Variants in RXRB observed in about 807,000 individuals in gnomAD.
RXRB encodes retinoic acid receptor RXR-beta.
Under a neutral mutation model 52.5 loss-of-function variants are expected in RXRB, and 18 were observed. The ratio of observed to expected loss-of-function variants is 0.34; its 90% CI spans 0.24 to 0.51. RXRB has a LOEUF of 0.51. Among genes scored for constraint, RXRB ranks in the 20% least tolerant of loss-of-function variants. RXRB has a pLI of 0.97. For synonymous variants in RXRB, 233 were observed against 267.1 expected, an observed-to-expected ratio of 0.87 and a Z score of 1.25; for missense variants, 455 against 698.2, an observed-to-expected ratio of 0.65 and a Z score of 3.92.
Position 33,196,166 on chromosome 6 carries a change from G to A in RXRB, c.994-130C>T, listed in dbSNP as rs1773880140. On this transcript the variant is annotated intron_variant, in intron 5 of 9. Coordinates refer to ENST00000374680, the MANE Select transcript of RXRB (RefSeq NM_021976.5). This position sits in a 1 kb window ranked among gnomAD's most constrained non-coding sequence, Gnocchi z 4.0. ...GCCCCATCCAAACCAATCCCTGTAA[G>A]TGAGTCTTCTCTTCTGGCATTAGTG... 2.5e-6 allele frequency: 3 copies of A among 1,176,508 alleles called. No individual in the cohort carries two copies. Among genetic ancestry groups the A allele is most frequent in the East Asian group, 2.4e-5 (1 of 42,056 alleles). The allele number at this position is 1,176,508 out of a possible 1,614,324, so 72.9% of individuals were successfully genotyped here.
In RXRB at chr6:33,193,606, T is replaced by C. The variant is rs1470734864; in HGVS notation, c.*1076A>G. 4 of 151,900 alleles carry C rather than the reference T, an allele frequency of 2.6e-5. 1 individual carries two copies. 9.4% of individuals were successfully genotyped at this position (151,900 alleles called of 1,614,324 possible). A position where few individuals can be genotyped will look rare whatever the true frequency, so the allele number is the denominator to read the frequency against. ...ACCTCAGTCCAGAAAACAGCGATTTTAATTTGAAAGCGATTTTATGTATGA... is the reference window on the plus strand; with the variant it reads ...ACCTCAGTCCAGAAAACAGCGATTTCAATTTGAAAGCGATTTTATGTATGA... On this transcript the variant is annotated 3_prime_UTR_variant, in exon 10 of 10. Coordinates refer to ENST00000374680, the MANE Select transcript of RXRB (RefSeq NM_021976.5).
chr6:33,199,329 G>A lies in RXRB; in HGVS notation c.323C>T (p.Ser108Leu), dbSNP rs1774220157. The change falls in exon 2 of 10, where the codon TCA becomes TTA. Residue 108 changes from serine to leucine, a missense_variant. Physicochemically the swap from Ser to Leu is moderately radical, Grantham distance 145. Coordinates refer to ENST00000374680, the MANE Select transcript of RXRB (RefSeq NM_021976.5). ...PSPPGPPLPP[S>L]TAPSLGGSGA... ...AGAGCCTCCAAGGGATGGAGCTGTTGAAGGGGGTAGGGGTGGCCCAGGAGG... is the reference window on the plus strand; with the variant it reads ...AGAGCCTCCAAGGGATGGAGCTGTTAAAGGGGGTAGGGGTGGCCCAGGAGG... 1 of 1,182,574 alleles carries A rather than the reference G, an allele frequency of 8.5e-7. No individual in the cohort carries two copies. The highest frequency in any genetic ancestry group is 3.3e-5 in the East Asian group (1 of 30,674). 73.3% of individuals were successfully genotyped at this position (1,182,574 alleles called of 1,614,324 possible).
chr6:33,198,378 G>A lies in RXRB; in HGVS notation c.570C>T (p.His190=). ...CAGGGCCACCTGGAGGGGGTGGACAGTGCAGGCCCCGGACCCCTAAGACTG... is the reference window on the plus strand; with the variant it reads ...CAGGGCCACCTGGAGGGGGTGGACAATGCAGGCCCCGGACCCCTAAGACTG... ...KPPVLGVRGL[H]CPPPPGGPGA... The change falls in exon 3 of 10, where the codon CAC becomes CAT. Residue 190 remains histidine (H), a synonymous_variant. Coordinates refer to ENST00000374680, the MANE Select transcript of RXRB (RefSeq NM_021976.5). 1.9e-6 allele frequency: 3 copies of A among 1,612,952 alleles called. No homozygotes were observed. The highest frequency in any genetic ancestry group is 1.7e-5 in the Admixed American group (1 of 60,010).
rs762793148 is a variant in RXRB at position 33,200,197 on chromosome 6, A to G, written c.235+45T>C. 50 of 1,596,734 alleles carry G rather than the reference A, an allele frequency of 3.1e-5. No individual in the cohort carries two copies. In the South Asian group the frequency reaches 4.7e-4, roughly 15 times the overall value. ...GGAGGGTGTGGGGGAGGGGTCGCAG[A>G]TAAAGCGGTCACTGGCTCGCCTGCC... On this transcript the variant is annotated intron_variant, in intron 1 of 9. Coordinates refer to ENST00000374680, the MANE Select transcript of RXRB (RefSeq NM_021976.5). This position sits in a 1 kb window ranked among gnomAD's most constrained non-coding sequence, Gnocchi z 6.3.
In RXRB at chr6:33,199,256, G is replaced by A. The variant is rs1245499988; in HGVS notation, c.396C>T (p.Pro132=). Residue 132 remains proline, a synonymous_variant, in exon 2 of 10, where the codon CCC becomes CCT. Coordinates refer to ENST00000374680, the MANE Select transcript of RXRB (RefSeq NM_021976.5). ...PPMPPPPLGS[P]FPVISSSMGS... is the part of the protein sequence containing the mutation. Reference sequence around the variant, plus strand: ...CCATGGAAGAACTGATGACTGGAAAGGGAGAGCCCAGTGGGGGTGGTGGCA... The same window carrying A: ...CCATGGAAGAACTGATGACTGGAAAAGGAGAGCCCAGTGGGGGTGGTGGCA... 3 of 1,142,324 alleles carry A rather than the reference G, an allele frequency of 2.6e-6. No homozygotes were observed. Among genetic ancestry groups the A allele is most frequent in the Non-Finnish European group, 2.2e-6 (2 of 889,176 alleles). The allele number at this position is 1,142,324 out of a possible 1,614,324, so 70.8% of individuals were successfully genotyped here. A position where few individuals can be genotyped will look rare whatever the true frequency, so the allele number is the denominator to read the frequency against.
chr6:33,193,913 A>T lies in RXRB; in HGVS notation c.*769T>A, dbSNP rs55678527. The T allele has an allele frequency of 0.029, 4,472 of 152,408 alleles. 122 individuals carry two copies. The highest frequency in any genetic ancestry group is 0.081 in the Middle Eastern group (24 of 296). The allele number at this position is 152,408 out of a possible 1,614,324, so 9.4% of individuals were successfully genotyped here. ...GGGGCGGCGGGAAGCTGGGAAGGCT[A>T]GTGCTTGGAGAGCCCTAGGGACAGG... On this transcript the variant is annotated 3_prime_UTR_variant, in exon 10 of 10. Transcript: ENST00000374680.
In RXRB at chr6:33,196,034, T is replaced by C; in HGVS notation, c.996A>G (p.Pro332=). The C allele has an allele frequency of 5.6e-6, 9 of 1,613,074 alleles. No homozygotes were observed. Among genetic ancestry groups the C allele is most frequent in the Non-Finnish European group, 6.8e-6 (8 of 1,180,026 alleles). ...PGGTGGSGSS[P]NDPVTNICQA... ...GACAGATGTTAGTCACAGGGTCATT[T>C]GGCTGCAGGGGACGGGGGTAAGAGT... is the stretch of plus-strand genomic sequence containing the variant. Residue 332 remains proline, a splice_region_variant and synonymous_variant, in exon 6 of 10, where the codon CCA becomes CCG. Coordinates refer to ENST00000374680, the MANE Select transcript of RXRB (RefSeq NM_021976.5). The surrounding 1 kb of genome is among the most constrained non-coding windows in gnomAD (Gnocchi z 4.0).
intron 1 of RXRB, chr6:33,199,904 G>C: frequency 1.5e-6 from 1 of 679,216 alleles, no homozygotes; most frequent in Non-Finnish European, 2.8e-6. Context: ...GGTAGCCAGA[G>C]CGTGCAAGGG....
Position 33,195,783 on chromosome 6 carries a change from A to G in RXRB, c.1124-81T>C. Reference sequence around the variant, plus strand: ...CATCAGTGGAAGAGAAGGAGAAAAGAGGTGGCGAGGTCAGCAAGTTTGGCT... The same window carrying G: ...CATCAGTGGAAGAGAAGGAGAAAAGGGGTGGCGAGGTCAGCAAGTTTGGCT... On this transcript the variant is annotated intron_variant, in intron 6 of 9. Transcript: ENST00000374680. This position sits in a 1 kb window ranked among gnomAD's most constrained non-coding sequence, Gnocchi z 8.6. The G allele has an allele frequency of 6.3e-7, 1 of 1,597,612 alleles. No individual in the cohort carries two copies.
Position 33,199,434 on chromosome 6 carries a change from A to T in RXRB, c.236-18T>A. On this transcript the variant is annotated intron_variant, in intron 1 of 9. Transcript: ENST00000374680. ...TCGGGAGTCTGAGGGAGGGGTATGT[A>T]CAGGCACACAGACACACAAGAGACA... 7.9e-7 allele frequency: 1 copy of T among 1,260,804 alleles called. No individual in the cohort carries two copies. The highest frequency in any genetic ancestry group is 1.0e-6 in the Non-Finnish European group (1 of 994,252). 78.1% of individuals were successfully genotyped at this position (1,260,804 alleles called of 1,614,324 possible). A position where few individuals can be genotyped will look rare whatever the true frequency, so the allele number is the denominator to read the frequency against.
rs762865921 is a variant in RXRB, at chr6:33,195,881, A to G, written c.1123+26T>C. ...GTCAAAGAGGGGTCAAATGTCAAGA[A>G]GTCAAAGGGATCCAAGGTCACTGAC... On this transcript the variant is annotated intron_variant, in intron 6 of 9. Coordinates refer to ENST00000374680, the MANE Select transcript of RXRB (RefSeq NM_021976.5). The surrounding 1 kb of genome is among the most constrained non-coding windows in gnomAD (Gnocchi z 8.6). 6.2e-7 allele frequency: 1 copy of G among 1,611,760 alleles called. No homozygotes were observed. Among genetic ancestry groups the G allele is most frequent in the Non-Finnish European group, 8.5e-7 (1 of 1,179,900 alleles).
In RXRB at chr6:33,196,046, A is replaced by AC; in HGVS notation, c.994-11dup. ...TCACAGGGTCATTTGGCTGCAGGGG[A>AC]CGGGGGTAAGAGTTATGGAAGATTT... On this transcript the variant is annotated splice_polypyrimidine_tract_variant and intron_variant, in intron 5 of 9. Coordinates refer to ENST00000374680, the MANE Select transcript of RXRB (RefSeq NM_021976.5). The surrounding 1 kb of genome is among the most constrained non-coding windows in gnomAD (Gnocchi z 4.0). 6.2e-7 allele frequency: 1 copy of AC among 1,612,780 alleles called. No homozygotes were observed. Among genetic ancestry groups the AC allele is most frequent in the Non-Finnish European group, 8.5e-7 (1 of 1,179,932 alleles).
chr6:33,199,786 C>A, intron 1 of RXRB: 1 of 446,356 alleles, frequency 2.2e-6, no homozygotes, highest in South Asian at 1.8e-5. Context: ...AATTTTCCAA[C>A]CAATCCATTT....
chr6:33,194,617 G>T lies in RXRB; in HGVS notation c.*65C>A. ...GAACATGGCCCCCCACCCTGCCCCA[G>T]GGCTTGGAGTCCCTCTTGGATGTGT... On this transcript the variant is annotated 3_prime_UTR_variant, in exon 10 of 10. Transcript: ENST00000374680. This position sits in a 1 kb window ranked among gnomAD's most constrained non-coding sequence, Gnocchi z 4.1. The T allele has an allele frequency of 6.4e-7, 1 of 1,561,224 alleles. No individual in the cohort carries two copies.
In RXRB at chr6:33,197,977, A is replaced by G; in HGVS notation, c.641-36T>C. 6.3e-7 allele frequency: 1 copy of G among 1,595,544 alleles called. No homozygotes were observed. The highest frequency in any genetic ancestry group is 1.3e-5 in the African/African-American group (1 of 74,632). On this transcript the variant is annotated intron_variant, in intron 3 of 9. Coordinates refer to ENST00000374680, the MANE Select transcript of RXRB (RefSeq NM_021976.5). The surrounding 1 kb of genome is among the most constrained non-coding windows in gnomAD (Gnocchi z 4.4). ...AGGGGAGGAGCAATAAGAAGGTTGC[A>G]TGGAGACACCTTCACCATTTAGTCT...
rs1773909700 is a variant in RXRB, at chr6:33,196,520, T to C, written c.907A>G (p.Arg303Gly). 1 of 1,612,884 alleles carries C rather than the reference T, an allele frequency of 6.2e-7. No individual in the cohort carries two copies. Among genetic ancestry groups the C allele is most frequent in the Non-Finnish European group, 8.5e-7 (1 of 1,179,886 alleles). ...ACAGCAAGCTCTGCCTCCAGGATCC[T>C]GTCCACAGGCATCTCCTCGGGGGCT... is the stretch of plus-strand genomic sequence containing the variant. ...GGAPEEMPVD[R>G]ILEAELAVEQ... Residue 303 changes from arginine (R) to glycine (G), a missense_variant, in exon 5 of 10, where the codon AGG (arginine) becomes GGG (glycine). By Grantham distance (125) the Arg-to-Gly change is moderately radical (BLOSUM62 -2). Transcript: ENST00000374680. The surrounding 1 kb of genome is among the most constrained non-coding windows in gnomAD (Gnocchi z 4.0).
intron 1 of RXRB, 198 bp from the exon 2 acceptor site, chr6:33,199,614 G>A (rs1169130739): frequency 4.0e-6 from 2 of 497,116 alleles, no homozygotes; most frequent in Non-Finnish European, 7.2e-6. Flanking sequence ...TGGTCCGATG[G>A]TAGTGGGTTA....
At chr6:33,200,840 A>T (rs1296112430), upstream of RXRB, 1 of 1,502,988 alleles carries the variant, frequency 6.7e-7, no homozygotes, top group South Asian at 1.2e-5. The surrounding 1 kb of genome is among the most constrained non-coding windows in gnomAD (Gnocchi z 6.3). Flanking sequence ...TGGTAAAGGC[A>T]TTAGGGCGAA....
In RXRB at chr6:33,197,496, C is replaced by A. The variant is rs917095868; in HGVS notation, c.820+266G>T. On this transcript the variant is annotated intron_variant, in intron 4 of 9. Transcript: ENST00000374680. The surrounding 1 kb of genome is among the most constrained non-coding windows in gnomAD (Gnocchi z 4.4). ...CTCAGGTTAGAAATGGGGAGACAGCCCATCATGGCTAAGGAAAAGTTATCC... is the reference window on the plus strand; with the variant it reads ...CTCAGGTTAGAAATGGGGAGACAGCACATCATGGCTAAGGAAAAGTTATCC... 6.6e-6 allele frequency among the ~76,000 whole-genome samples: 1 copy of A among 152,104 alleles called. No homozygotes were observed. Among genetic ancestry groups the A allele is most frequent in the Non-Finnish European group, 1.5e-5 (1 of 68,024 alleles).
Sources: allele counts gnomAD v4.1 joint callset (sites outside exome capture counted in the v4.1 genomes callset), GRCh38; gene constraint gnomAD v4.1.1; non-coding constraint Gnocchi (gnomAD v3.1); transcripts MANE v1.5; gene names NCBI Gene and HGNC (gene_info 2026-07-23, HGNC 2026-07-21).